SLC9C2: variants seen among roughly 807,000 people sequenced by gnomAD.
The protein encoded by SLC9C2 is sodium/hydrogen exchanger 11.
SLC9C2 carries 75 observed loss-of-function variants against 140.2 expected under a neutral mutation model. The ratio of observed to expected loss-of-function variants is 0.53; its 90% CI spans 0.44 to 0.65. The LOEUF (loss-of-function observed/expected upper bound fraction) is 0.65. Among genes scored for constraint, SLC9C2 ranks in the 30% least tolerant of loss-of-function variants. The pLI is 0.00. For synonymous variants in SLC9C2, 375 were observed against 420.9 expected (o/e 0.89, Z 1.34); for missense variants, 1,074 against 1,331.8 (o/e 0.81, Z 3.01).
chr1:173,547,472 AG>A (rs1662931616), intron 13 of SLC9C2, among the ~76,000 whole-genome samples: 5 of 151,338 alleles, frequency 3.3e-5, no homozygotes, highest in Admixed American at 6.6e-5. Context: ...AAAATTTGCC[AG>A]ACATAGAAAC....
At chr1:173,580,991 T>C (rs558027830) in intron 7 of SLC9C2, among the ~76,000 whole-genome samples, 2 of 152,118 alleles carry the variant, frequency 1.3e-5, no homozygotes, top group East Asian at 3.9e-4. Context: ...AGGGGAAAAA[T>C]GAAGAAATTT....
At chr1:173,594,433 A>C (rs1666338786) in intron 4 of SLC9C2, among the ~76,000 whole-genome samples, 1 of 152,236 alleles carries the variant, frequency 6.6e-6, no homozygotes, top group Non-Finnish European at 1.5e-5. Flanking sequence ...ATGTACAATT[A>C]TTAGTCAATT....
chr1:173,595,201 G>A (rs528410824), intron 4 of SLC9C2, among the ~76,000 whole-genome samples: 1 of 152,198 alleles, frequency 6.6e-6, no homozygotes, highest in African/African-American at 2.4e-5. Context: ...AGAATAAACT[G>A]CCTTATGTTA....
chr1:173,518,671 A>T (rs1248257281), intron 22 of SLC9C2, among the ~76,000 whole-genome samples: 1 of 152,200 alleles, frequency 6.6e-6, no homozygotes, highest in East Asian at 1.9e-4. Context: ...GTAAACATCA[A>T]AGAGGAAGGT....
chr1:173,516,495 T>G (rs1032781106), intron 23 of SLC9C2, among the ~76,000 whole-genome samples: 1 of 152,144 alleles, frequency 6.6e-6, no homozygotes, highest in African/African-American at 2.4e-5. Context: ...CCCCAGTGTG[T>G]TTTATTCCCC....
intron 11 of SLC9C2, among the ~76,000 whole-genome samples, chr1:173,548,924 A>G (rs1179123001): frequency 6.6e-6 from 1 of 152,180 alleles, no homozygotes; most frequent in Non-Finnish European, 1.5e-5. Context: ...TACCTACAGA[A>G]TCAGATTGGC....
chr1:173,530,896 G>A (rs1205203360), intron 17 of SLC9C2, among the ~76,000 whole-genome samples: 1 of 152,082 alleles, frequency 6.6e-6, no homozygotes, highest in Non-Finnish European at 1.5e-5. Flanking sequence ...GAGCAGAGAA[G>A]GGAATTTTTT....
chr1:173,527,771 A>G (rs1250465820), intron 18 of SLC9C2, among the ~76,000 whole-genome samples: 1 of 152,152 alleles, frequency 6.6e-6, no homozygotes, highest in Non-Finnish European at 1.5e-5. Flanking sequence ...TATAGGGAAC[A>G]CCTGGTTTGT....
intron 11 of SLC9C2, among the ~76,000 whole-genome samples, chr1:173,552,574 A>C (rs776100456): frequency 6.6e-6 from 1 of 152,188 alleles, no homozygotes; most frequent in Non-Finnish European, 1.5e-5. Context: ...ATTAAGCTAA[A>C]TGTATTCTGT....
chr1:173,599,293 G>A (rs764386653), intron 3 of SLC9C2, among the ~76,000 whole-genome samples: 4 of 150,730 alleles, frequency 2.7e-5, no homozygotes, highest in Admixed American at 6.7e-5. Context: ...TGTATGTGCA[G>A]GGGAAGGAAG....
chr1:173,573,183 T>C lies in SLC9C2; in HGVS notation c.1045A>G (p.Arg349Gly), dbSNP rs1317967734. The C allele has an allele frequency of 1.3e-6, 2 of 1,540,442 alleles. No homozygotes were observed. Among genetic ancestry groups the C allele is most frequent in the Non-Finnish European group, 1.8e-6 (2 of 1,131,224 alleles). The change falls in exon 9 of 28, where the codon AGG becomes GGG. Residue 349 changes from arginine to glycine, a missense_variant and splice_region_variant. By Grantham distance (125) the Arg-to-Gly change is moderately radical. Transcript: ENST00000367714. Reference sequence around the variant, plus strand: ...CAAACTTTAAAATATTATTCTTACCTTACCAAATTCACTGTTGTAAATAAA... The same window carrying C: ...CAAACTTTAAAATATTATTCTTACCCTACCAAATTCACTGTTGTAAATAAA... ...FILFTTVNLVRLLTILLVSPI... is the reference protein window; with the variant it reads ...FILFTTVNLVGLLTILLVSPI...
chr1:173,528,334 T>C (rs1272948103), intron 18 of SLC9C2, among the ~76,000 whole-genome samples: 5 of 152,168 alleles, frequency 3.3e-5, no homozygotes, highest in Admixed American at 1.3e-4. Context: ...TCAAGGCAAC[T>C]GCCCTCAGAT....
intron 22 of SLC9C2, among the ~76,000 whole-genome samples, chr1:173,520,687 G>A (rs896528141): frequency 9.2e-5 from 14 of 152,170 alleles, no homozygotes; most frequent in African/African-American, 3.1e-4. Flanking sequence ...TATTATGGTA[G>A]TTTATTTCCA....
rs538231622 is a variant in SLC9C2, at chr1:173,537,941, T to C, written c.1558-902A>G. 3.9e-5 allele frequency among the ~76,000 whole-genome samples: 6 copies of C among 152,314 alleles called. No individual in the cohort carries two copies. The South Asian group carries it at 1.2e-3, about 32-fold the overall frequency. On this transcript the variant is annotated intron_variant, in intron 13 of 27. Transcript: ENST00000367714. ...ACATACTGACCATACACTTTGCCTA[T>C]CCATTGTTTAGAAATGTTGACTCCA...
chr1:173,587,975 C>T (rs1487461883), intron 4 of SLC9C2, 145 bp from the exon 5 acceptor site: 1 of 536,702 alleles, frequency 1.9e-6, no homozygotes, highest in Non-Finnish European at 3.1e-6. Flanking sequence ...TCTAGTTTAA[C>T]CACCTGCCAC....
At position 173,581,986 on chromosome 1, in the gene SLC9C2, G is replaced by C. The variant is rs142246488; in HGVS notation, c.663C>G (p.Leu221=). ...TTATGCTTCCCAAAATGTCATAGCT[G>C]AGTTCAATGCCTACATGTAAATCTA... ...IFRDLHVGIE[L]SYDILGSIIF... is the part of the protein sequence containing the mutation. The change falls in exon 7 of 28, where the codon CTC becomes CTG. Residue 221 remains leucine (L), a synonymous_variant. Coordinates refer to ENST00000367714, the MANE Select transcript of SLC9C2 (RefSeq NM_178527.4). 6.3e-7 allele frequency: 1 copy of C among 1,582,378 alleles called. No individual in the cohort carries two copies. Among genetic ancestry groups the C allele is most frequent in the Non-Finnish European group, 8.6e-7 (1 of 1,161,792 alleles).
At position 173,550,587 on chromosome 1, in the gene SLC9C2, C is replaced by T. The variant is rs1023597305; in HGVS notation, c.1298-2035G>A. ...CCAAGTAGCTGGGACTACAGGCATG[C>T]GCCACCATGCCCAGCTAATTTTTAT... On this transcript the variant is annotated intron_variant, in intron 11 of 27. Transcript: ENST00000367714. 1.1e-4 allele frequency among the ~76,000 whole-genome samples: 16 copies of T among 151,476 alleles called. No homozygotes were observed. The East Asian group carries it at 1.4e-3, about 13-fold the overall frequency.
intron 17 of SLC9C2, among the ~76,000 whole-genome samples, chr1:173,532,608 G>T (rs1022358908): frequency 2.0e-5 from 3 of 152,166 alleles, no homozygotes; most frequent in Non-Finnish European, 4.4e-5. Context: ...TGGGAGACAT[G>T]AACAAATTTT....
chr1:173,555,553 C>A (rs1248371680), intron 10 of SLC9C2, among the ~76,000 whole-genome samples: 1 of 152,160 alleles, frequency 6.6e-6, no homozygotes, highest in African/African-American at 2.4e-5. Context: ...ATTCTTAACA[C>A]CAGACAGAAT....
Sources: gnomAD v4.1 joint callset for allele counts (sites outside exome capture counted in the v4.1 genomes callset) on GRCh38, gnomAD v4.1.1 for gene constraint, MANE v1.5 for transcripts, NCBI Gene and HGNC (gene_info 2026-07-23, HGNC 2026-07-21) for gene names.